UBE2W: variants seen among roughly 807,000 people sequenced by gnomAD.
UBE2W encodes the protein ubiquitin-conjugating enzyme E2 W.
In UBE2W, 18 loss-of-function variants were observed where a neutral mutation model predicts 27.2. The observed-to-expected ratio is 0.66, with a 90% CI of 0.46 to 0.98. The LOEUF is 0.98. UBE2W is among the 50% of genes least tolerant of loss of function. The pLI, the probability that UBE2W is intolerant of heterozygous loss-of-function variation, is 0.00. For synonymous variants in UBE2W, 53 were observed against 57.2 expected (o/e 0.93, Z 0.33); for missense variants, 90 against 180.2 (o/e 0.50, Z 2.87).
intron 1 of UBE2W, among the ~76,000 whole-genome samples, chr8:73,847,715 A>G (rs1810875142): frequency 6.6e-6 from 1 of 152,110 alleles, no homozygotes; most frequent in Non-Finnish European, 1.5e-5. Flanking sequence ...CAGCCTGGCC[A>G]ACGTGGTGAA....
chr8:73,793,555 T>C lies in UBE2W; in HGVS notation c.*547A>G. On this transcript the variant is annotated 3_prime_UTR_variant, in exon 6 of 6. Coordinates refer to ENST00000602593, the MANE Select transcript of UBE2W (RefSeq NM_018299.6). ...TCCTTTAAAGACGCATGTTAATTCA[T>C]GCTGTTAACCTTAGGATCACAGTGC... 2.0e-6 allele frequency: 2 copies of C among 985,922 alleles called. No homozygotes were observed. Among genetic ancestry groups the C allele is most frequent in the Non-Finnish European group, 2.4e-6 (2 of 829,954 alleles). The allele number at this position is 985,922 out of a possible 1,614,324, so 61.1% of individuals were successfully genotyped here. A position where few individuals can be genotyped will look rare whatever the true frequency, so the allele number is the denominator to read the frequency against.
chr8:73,802,141 C>A (rs1455312694), intron 5 of UBE2W, among the ~76,000 whole-genome samples: 2 of 152,268 alleles, frequency 1.3e-5, no homozygotes, highest in South Asian at 2.1e-4. Flanking sequence ...ATAACTAAGA[C>A]AAATGTTTGC....
At chr8:73,813,827 A>G (rs1002329507) in intron 3 of UBE2W, among the ~76,000 whole-genome samples, 11 of 151,498 alleles carry the variant, frequency 7.3e-5, no homozygotes, top group Admixed American at 1.3e-4. Context: ...ACCTTGGCTC[A>G]CTGCAATCCC....
chr8:73,850,725 T>TTAA (rs1273254497), intron 1 of UBE2W, among the ~76,000 whole-genome samples: 4 of 63,586 alleles, frequency 6.3e-5, no homozygotes, highest in Admixed American at 2.4e-4. Flanking sequence ...AGCAGGACAT[T>TTAA]AAAAAAAAAA....
chr8:73,878,118 G>A (rs1475960671), intron 1 of UBE2W, among the ~76,000 whole-genome samples: 5 of 152,236 alleles, frequency 3.3e-5, no homozygotes, highest in Non-Finnish European at 7.3e-5. Flanking sequence ...CGGCTCTCGG[G>A]AGATCGCCCA....
At chr8:73,845,083 T>C (rs1332160910) in intron 1 of UBE2W, among the ~76,000 whole-genome samples, 3 of 144,006 alleles carry the variant, frequency 2.1e-5, no homozygotes, top group East Asian at 2.2e-4. Flanking sequence ...AGCTGCACCA[T>C]CTGGGAGGTG....
At chr8:73,801,568 A>G (rs1196692592) in intron 5 of UBE2W, among the ~76,000 whole-genome samples, 1 of 152,240 alleles carries the variant, frequency 6.6e-6, no homozygotes, top group African/African-American at 2.4e-5. Context: ...AAACACTGAC[A>G]CTTAAAAATA....
chr8:73,855,450 G>A (rs957021648), intron 1 of UBE2W, among the ~76,000 whole-genome samples: 1 of 131,320 alleles, frequency 7.6e-6, no homozygotes, highest in Non-Finnish European at 1.5e-5. Context: ...CACCCATGCT[G>A]GAGTGCAGTG....
chr8:73,823,777 A>G (rs1563594218), intron 3 of UBE2W, among the ~76,000 whole-genome samples: 1 of 152,242 alleles, frequency 6.6e-6, no homozygotes, highest in Non-Finnish European at 1.5e-5. Context: ...TGAAAATTTT[A>G]GAACTTAAGG....
At chr8:73,870,217 T>C in intron 1 of UBE2W, 4 of 1,548,518 alleles carry the variant, frequency 2.6e-6, no homozygotes, top group Non-Finnish European at 3.5e-6. Flanking sequence ...CACAATTTTA[T>C]TTGACTAATT....
intron 2 of UBE2W, among the ~76,000 whole-genome samples, chr8:73,830,048 T>C (rs976620534): frequency 2.2e-4 from 34 of 152,112 alleles, no homozygotes; most frequent in Admixed American, 7.2e-4. Flanking sequence ...TACATATTTT[T>C]AATTTGATAA....
At chr8:73,820,294 T>C (rs1243881318) in intron 3 of UBE2W, among the ~76,000 whole-genome samples, 1 of 152,162 alleles carries the variant, frequency 6.6e-6, no homozygotes, top group Admixed American at 6.5e-5. Flanking sequence ...TTTGACCCAT[T>C]ATAATTATGT....
chr8:73,868,398 T>G (rs1167183694), intron 1 of UBE2W, among the ~76,000 whole-genome samples: 2 of 152,230 alleles, frequency 1.3e-5, no homozygotes, highest in Non-Finnish European at 2.9e-5. Flanking sequence ...CACATATGCA[T>G]AGCTTCATCT....
chr8:73,844,348 C>T (rs1441261820), intron 1 of UBE2W, among the ~76,000 whole-genome samples: 9 of 152,186 alleles, frequency 5.9e-5, no homozygotes, highest in South Asian at 2.1e-4. Context: ...AGGGTTTCGC[C>T]GTGTTGGCTG....
Position 73,787,634 on chromosome 8 carries a change from C to T in UBE2W, c.*6468G>A. Reference sequence around the variant, plus strand: ...AATTACCAGCAGAGCATATTTAATTCCTCCTGTCAGGAATAACAGATGCTG... The same window carrying T: ...AATTACCAGCAGAGCATATTTAATTTCTCCTGTCAGGAATAACAGATGCTG... On this transcript the variant is annotated 3_prime_UTR_variant, in exon 6 of 6. Transcript: ENST00000602593. 1 of 985,394 alleles carries T rather than the reference C, an allele frequency of 1.0e-6. No homozygotes were observed. The highest frequency in any genetic ancestry group is 1.2e-6 in the Non-Finnish European group (1 of 829,924). 61.0% of individuals were successfully genotyped at this position (985,394 alleles called of 1,614,324 possible). A position where few individuals can be genotyped will look rare whatever the true frequency, so the allele number is the denominator to read the frequency against.
chr8:73,872,683 T>A (rs2130996562), intron 1 of UBE2W, among the ~76,000 whole-genome samples: 1 of 152,306 alleles, frequency 6.6e-6, no homozygotes, highest in South Asian at 2.1e-4. Flanking sequence ...GAGAAATCAT[T>A]GGTGTAATTA....
chr8:73,791,822 A>T lies in UBE2W; in HGVS notation c.*2280T>A, dbSNP rs1170485106. The T allele has an allele frequency of 4.1e-6, 4 of 984,416 alleles. No individual in the cohort carries two copies. In the East Asian group the frequency reaches 3.4e-4, roughly 84 times the overall value. 61.0% of individuals were successfully genotyped at this position (984,416 alleles called of 1,614,324 possible). ...TACCGAAATTATTTCATTTTCCTCTACTTTCCTCTGTGTCATTTTAGTTTA... is the reference window on the plus strand; with the variant it reads ...TACCGAAATTATTTCATTTTCCTCTTCTTTCCTCTGTGTCATTTTAGTTTA... On this transcript the variant is annotated 3_prime_UTR_variant, in exon 6 of 6. Transcript: ENST00000602593.
intron 1 of UBE2W, among the ~76,000 whole-genome samples, chr8:73,877,177 A>G (rs1186855842): frequency 6.6e-6 from 1 of 152,234 alleles, no homozygotes; most frequent in Non-Finnish European, 1.5e-5. Flanking sequence ...ACTTGTCATA[A>G]AAAATGTTTT....
intron 1 of UBE2W, among the ~76,000 whole-genome samples, chr8:73,863,961 AAAG>A (rs1811635563): frequency 2.6e-5 from 4 of 152,156 alleles, no homozygotes; most frequent in Admixed American, 6.6e-5. Flanking sequence ...CAAAAAAAAA[AAAG>A]GAGGAAAGTA....
Sources: allele counts gnomAD v4.1 joint callset (sites outside exome capture counted in the v4.1 genomes callset), GRCh38; gene constraint gnomAD v4.1.1; transcripts MANE v1.5; gene names NCBI Gene and HGNC (gene_info 2026-07-23, HGNC 2026-07-21).